The following RORA variants were observed in gnomAD, a reference collection of about 807,000 sequenced individuals.
The protein encoded by RORA is nuclear receptor ROR-alpha.
A neutral mutation model predicts 69.5 loss-of-function variants in RORA; 7 were observed. The observed-to-expected ratio is 0.10, with a 90% CI of 0.06 to 0.19. The LOEUF (loss-of-function observed/expected upper bound fraction) is 0.19, where lower values mean the gene tolerates loss of function less well. Ranked by LOEUF, RORA falls within the 10% of genes least tolerant of loss-of-function variation. RORA has a pLI of 1.00. For synonymous variants in RORA, 261 were observed against 240.8 expected, an observed-to-expected ratio of 1.08 and a Z score of -0.78; for missense variants, 457 against 663.0, an observed-to-expected ratio of 0.69 and a Z score of 3.41.
intron 1 of RORA, among the ~76,000 whole-genome samples, chr15:60,787,608 A>G (rs2072355462): frequency 6.6e-6 from 1 of 152,260 alleles, no homozygotes; most frequent in African/African-American, 2.4e-5. Flanking sequence ...TATAAAGGCC[A>G]GGCCCTGTGA....
chr15:60,518,212 C>T (rs1433467064), intron 3 of RORA, among the ~76,000 whole-genome samples: 1 of 152,174 alleles, frequency 6.6e-6, no homozygotes, highest in Non-Finnish European at 1.5e-5. Flanking sequence ...CTAGACATAG[C>T]TCTTGAATAA....
chr15:60,947,657 C>T, intron 1 of RORA, among the ~76,000 whole-genome samples: 1 of 146,788 alleles, frequency 6.8e-6, no homozygotes, highest in East Asian at 2.0e-4. Flanking sequence ...TGCCAAATCC[C>T]CCTCTTCGAG....
At chr15:60,548,400 C>T (rs1296373985) in intron 2 of RORA, among the ~76,000 whole-genome samples, 1 of 152,036 alleles carries the variant, frequency 6.6e-6, no homozygotes, top group Admixed American at 6.6e-5. Flanking sequence ...CCTGGCATTT[C>T]GGGCACTGTG....
At chr15:61,084,150 G>A (rs1046192839) in intron 1 of RORA, among the ~76,000 whole-genome samples, 6 of 152,158 alleles carry the variant, frequency 3.9e-5, no homozygotes, top group Admixed American at 2.6e-4. Flanking sequence ...CCCCTAACTC[G>A]AATTTTCTGT....
At chr15:60,881,735 C>A (rs1357857955) in intron 1 of RORA, among the ~76,000 whole-genome samples, 1 of 152,094 alleles carries the variant, frequency 6.6e-6, no homozygotes. Flanking sequence ...AGCAGAGAGA[C>A]CACTCAAGAA....
intron 3 of RORA, among the ~76,000 whole-genome samples, chr15:60,524,689 A>G (rs764971271): frequency 1.4e-4 from 22 of 152,166 alleles, no homozygotes; most frequent in Non-Finnish European, 2.8e-4. Context: ...AGCTAACCCA[A>G]TACTTAGAGA....
intron 2 of RORA, among the ~76,000 whole-genome samples, chr15:60,579,498 A>G (rs1011072717): frequency 2.6e-5 from 4 of 152,220 alleles, no homozygotes; most frequent in Admixed American, 1.3e-4. Context: ...GTTCAACATA[A>G]ACTGTGTGTA....
chr15:60,913,801 G>T (rs1270457218), intron 1 of RORA, among the ~76,000 whole-genome samples: 1 of 152,164 alleles, frequency 6.6e-6, no homozygotes, highest in Non-Finnish European at 1.5e-5. Context: ...ATTAAAGGGG[G>T]TCTCAACAAA....
intron 3 of RORA, among the ~76,000 whole-genome samples, chr15:60,527,708 A>G (rs2066405603): frequency 6.6e-6 from 1 of 152,256 alleles, no homozygotes; most frequent in South Asian, 2.1e-4. Context: ...GAGAACAAGT[A>G]AAATACGTTT....
chr15:60,669,293 G>A (rs749574428), intron 2 of RORA, among the ~76,000 whole-genome samples: 23 of 152,006 alleles, frequency 1.5e-4, no homozygotes, highest in Non-Finnish European at 2.5e-4. Context: ...ATAATCAGAA[G>A]AGCCTTCTCT....
intron 1 of RORA, among the ~76,000 whole-genome samples, chr15:61,059,909 AAG>A (rs2078148994): frequency 1.4e-3 from 4 of 2,814 alleles, no homozygotes; most frequent in South Asian, 0.029. Context: ...GTTCCACACG[AAG>A]AAGAAGAAGA....
At chr15:60,753,165 G>A (rs1595686478) in intron 1 of RORA, among the ~76,000 whole-genome samples, 2 of 152,336 alleles carry the variant, frequency 1.3e-5, no homozygotes, top group South Asian at 4.1e-4. Context: ...GGAGCAGCAC[G>A]TGGATGGCGT....
chr15:60,797,042 T>G (rs903583652), intron 1 of RORA, among the ~76,000 whole-genome samples: 1 of 147,972 alleles, frequency 6.8e-6, no homozygotes, highest in Non-Finnish European at 1.5e-5. Context: ...AATATATAAT[T>G]ATATTATCTA....
intron 1 of RORA, among the ~76,000 whole-genome samples, chr15:61,065,209 G>A (rs1566971255): frequency 6.6e-6 from 1 of 152,170 alleles, no homozygotes; most frequent in African/African-American, 2.4e-5. Context: ...CTTCACCACA[G>A]GTAGCAAGTA....
At position 61,066,418 on chromosome 15, in the gene RORA, C is replaced by CTTTTT. The variant is rs1168663714; in HGVS notation, c.166+162630_166+162634dup. Among the ~76,000 whole-genome samples the CTTTTT allele has an allele frequency of 1.8e-3, 143 of 80,932 alleles. 2 individuals are homozygous for CTTTTT. The highest frequency in any genetic ancestry group is 2.2e-3 in the Non-Finnish European group (95 of 43,644). 53.1% of individuals were successfully genotyped at this position (80,932 alleles called of 152,430 possible). A position where few individuals can be genotyped will look rare whatever the true frequency, so the allele number is the denominator to read the frequency against. ...AATTGTGGGAAGACAGGGCATATTC[C>CTTTTT]TTTTTTTTTTTTTTTTTTTTTTTTT... On this transcript the variant is annotated intron_variant, in intron 1 of 10. Transcript: ENST00000335670.
chr15:60,623,867 C>G (rs2074557778), intron 2 of RORA, among the ~76,000 whole-genome samples: 1 of 152,202 alleles, frequency 6.6e-6, no homozygotes, highest in Admixed American at 6.5e-5. Context: ...GTGTGCCTAA[C>G]ATAGAATCTT....
chr15:60,573,180 T>C (rs2067930030), intron 2 of RORA, among the ~76,000 whole-genome samples: 1 of 152,226 alleles, frequency 6.6e-6, no homozygotes, highest in African/African-American at 2.4e-5. Context: ...GCAGCATGAT[T>C]GAACCGCGGC....
chr15:61,004,649 G>A (rs1481711644), intron 1 of RORA, among the ~76,000 whole-genome samples: 2 of 152,126 alleles, frequency 1.3e-5, no homozygotes, highest in Non-Finnish European at 1.5e-5. Flanking sequence ...CCCGTTCTAG[G>A]GAAGCTGAAC....
chr15:61,169,749 C>A lies in RORA; in HGVS notation c.166+59304G>T, dbSNP rs139565029. On this transcript the variant is annotated intron_variant, in intron 1 of 10. Transcript: ENST00000335670. ...CCTGTTTTTCCTTCAAACCCCCCAG[C>A]AACTGTCTTCCTTACAAACGGCCTC... 5.7e-3 allele frequency among the ~76,000 whole-genome samples: 850 copies of A among 149,474 alleles called. 5 individuals carry two copies. The highest frequency in any genetic ancestry group is 0.024 in the Middle Eastern group (7 of 292).
Sources: allele counts gnomAD v4.1 joint callset (sites outside exome capture counted in the v4.1 genomes callset), GRCh38; gene constraint gnomAD v4.1.1; transcripts MANE v1.5; gene names NCBI Gene and HGNC (gene_info 2026-07-23, HGNC 2026-07-21).